ATP6V0A1: variants seen among roughly 807,000 people sequenced by gnomAD.
ATP6V0A1 encodes V-type proton ATPase 116 kDa subunit a 1.
ATP6V0A1 carries 43 observed loss-of-function variants against 105.4 expected under a neutral mutation model. That is an observed-to-expected ratio of 0.41 (90% CI 0.32 to 0.53). The LOEUF (loss-of-function observed/expected upper bound fraction) is 0.53. ATP6V0A1 is among the 20% of genes least tolerant of loss of function. ATP6V0A1 has a pLI of 0.30. For synonymous variants in ATP6V0A1, 362 were observed against 372.8 expected, an observed-to-expected ratio of 0.97 and a Z score of 0.33; for missense variants, 676 against 1,051.1, an observed-to-expected ratio of 0.64 and a Z score of 4.93.
At chr17:42,468,801 T>A (rs897879198) in intron 4 of ATP6V0A1, among the ~76,000 whole-genome samples, 1 of 152,122 alleles carries the variant, frequency 6.6e-6, no homozygotes, top group African/African-American at 2.4e-5. Context: ...ACTAAGTAAA[T>A]GTTTATTGGT....
intron 10 of ATP6V0A1, among the ~76,000 whole-genome samples, chr17:42,488,047 A>G (rs1384888004): frequency 6.6e-6 from 1 of 152,214 alleles, no homozygotes; most frequent in Non-Finnish European, 1.5e-5. Flanking sequence ...TAATTAGAAC[A>G]ACTACTCTGT....
intron 21 of ATP6V0A1, 91 bp downstream of exon 21, chr17:42,514,551 G>A (rs1423750157): frequency 1.3e-5 from 17 of 1,320,460 alleles, no homozygotes; most frequent in African/African-American, 4.5e-5. Flanking sequence ...CAGCCCTGCA[G>A]CTCTGTGCAG....
intron 21 of ATP6V0A1, among the ~76,000 whole-genome samples, chr17:42,516,990 G>C (rs1431277104): frequency 6.6e-6 from 1 of 152,230 alleles, no homozygotes; most frequent in Admixed American, 6.5e-5. Context: ...TTAAAAGTGG[G>C]ATGCCCTTAC....
intron 4 of ATP6V0A1, 21 bp from the exon 5 acceptor site, chr17:42,470,069 A>G (rs1484400136): frequency 3.8e-6 from 6 of 1,577,956 alleles, no homozygotes; most frequent in East Asian, 2.3e-5. Context: ...TTAGCTTAAT[A>G]TATTTTCTTA....
chr17:42,493,028 T>C (rs542630427), intron 11 of ATP6V0A1, among the ~76,000 whole-genome samples: 1 of 152,054 alleles, frequency 6.6e-6, no homozygotes, highest in Admixed American at 6.6e-5. Flanking sequence ...AAAAAAAAAG[T>C]TCATGAGACT....
chr17:42,513,879 A>G lies in ATP6V0A1; in HGVS notation c.2149A>G (p.Met717Val), dbSNP rs763111032. The G allele has an allele frequency of 5.0e-6, 8 of 1,613,974 alleles. No individual in the cohort carries two copies. Among genetic ancestry groups the G allele is most frequent in the East Asian group, 2.2e-5 (1 of 44,882 alleles). ...EDEVFDFGDT[M>V]VHQAIHTIEY... Reference sequence around the variant, plus strand: ...ACGACAGTTTGACTTTGGGGACACCATGGTCCACCAGGCCATCCACACCAT... The same window carrying G: ...ACGACAGTTTGACTTTGGGGACACCGTGGTCCACCAGGCCATCCACACCAT... Residue 717 changes from methionine (M) to valine (V), a missense_variant, in exon 20 of 22, where the codon ATG (methionine) becomes GTG (valine). Coordinates refer to ENST00000343619, the MANE Select transcript of ATP6V0A1 (RefSeq NM_001130021.3).
At chr17:42,514,684 G>A (rs966130657) in intron 21 of ATP6V0A1, among the ~76,000 whole-genome samples, 1 of 152,168 alleles carries the variant, frequency 6.6e-6, no homozygotes, top group Non-Finnish European at 1.5e-5. Context: ...CTAGGGAGAT[G>A]TCCCTGGTGA....
chr17:42,480,493 G>A (rs1444813592), intron 7 of ATP6V0A1, 174 bp from the exon 8 acceptor site: 17 of 542,892 alleles, frequency 3.1e-5, no homozygotes, highest in East Asian at 3.2e-5. Context: ...TTATAGGGCA[G>A]ATGTTCTTGT....
chr17:42,479,671 C>T (rs749944763), intron 7 of ATP6V0A1, among the ~76,000 whole-genome samples: 5 of 152,102 alleles, frequency 3.3e-5, no homozygotes, highest in Non-Finnish European at 7.4e-5. Flanking sequence ...TGTGCAGCTG[C>T]AGGTCTTTCA....
At chr17:42,504,920 T>C (rs2091921225) in intron 17 of ATP6V0A1, among the ~76,000 whole-genome samples, 1 of 152,204 alleles carries the variant, frequency 6.6e-6, no homozygotes, top group Admixed American at 6.5e-5. Flanking sequence ...GCTCTATGCA[T>C]CTAGAAAAAG....
chr17:42,498,523 T>C (rs567926575), intron 14 of ATP6V0A1, among the ~76,000 whole-genome samples: 8 of 152,088 alleles, frequency 5.3e-5, no homozygotes, highest in Admixed American at 1.3e-4. Context: ...ATAAATAATA[T>C]TGATTAATAA....
At chr17:42,476,890 A>T (rs1348361108) in intron 5 of ATP6V0A1, among the ~76,000 whole-genome samples, 1 of 152,210 alleles carries the variant, frequency 6.6e-6, no homozygotes, top group Non-Finnish European at 1.5e-5. Flanking sequence ...TATTTAGAAG[A>T]TTCCTAGTCA....
At chr17:42,473,467 A>C (rs2088276364) in intron 5 of ATP6V0A1, among the ~76,000 whole-genome samples, 2 of 152,212 alleles carry the variant, frequency 1.3e-5, no homozygotes, top group Non-Finnish European at 1.5e-5. Context: ...CCAGAACATG[A>C]CGCTTTCATA....
intron 2 of ATP6V0A1, among the ~76,000 whole-genome samples, chr17:42,465,699 C>T (rs1443658221): frequency 1.3e-5 from 2 of 151,846 alleles, no homozygotes; most frequent in African/African-American, 2.4e-5. Context: ...CGTGGTGGCT[C>T]ATGCCTGCAA....
chr17:42,480,961 G>A (rs990543139), intron 8 of ATP6V0A1: 1 of 397,078 alleles, frequency 2.5e-6, no homozygotes, highest in Non-Finnish European at 4.5e-6. Flanking sequence ...TCACTCTGTT[G>A]CCCAGGCTGG....
At chr17:42,480,789 C>G (rs1474118870) in intron 8 of ATP6V0A1, 40 bp downstream of exon 8, 1 of 1,571,254 alleles carries the variant, frequency 6.4e-7, no homozygotes, top group Non-Finnish European at 8.7e-7. Flanking sequence ...CACAGCCATG[C>G]TGCCCAACTG....
At chr17:42,508,711 C>A in intron 19 of ATP6V0A1, 122 bp downstream of exon 19, 1 of 1,352,856 alleles carries the variant, frequency 7.4e-7, no homozygotes, top group Non-Finnish European at 1.0e-6. Flanking sequence ...GCCTCTGCAT[C>A]TCACTGGCCA....
intron 2 of ATP6V0A1, among the ~76,000 whole-genome samples, chr17:42,463,893 G>T (rs2086728833): frequency 6.6e-6 from 1 of 152,132 alleles, no homozygotes; most frequent in Admixed American, 6.6e-5. Flanking sequence ...CTAGAGAAAA[G>T]AAAATACTGT....
At chr17:42,464,367 G>A (rs1210298139) in intron 2 of ATP6V0A1, among the ~76,000 whole-genome samples, 2 of 151,752 alleles carry the variant, frequency 1.3e-5, no homozygotes, top group Non-Finnish European at 2.9e-5. Context: ...AGAGAGAAGT[G>A]TTGAATACAT....
Sources: gnomAD v4.1 joint callset for allele counts (sites outside exome capture counted in the v4.1 genomes callset) on GRCh38, gnomAD v4.1.1 for gene constraint, MANE v1.5 for transcripts, NCBI Gene and HGNC (gene_info 2026-07-23, HGNC 2026-07-21) for gene names.